LMO7: variants seen among roughly 807,000 people sequenced by gnomAD.
The protein encoded by LMO7 is LIM domain 7.
Under a neutral mutation model 206.5 loss-of-function variants are expected in LMO7, and 120 were observed. That is an observed-to-expected ratio of 0.58 (90% CI 0.50 to 0.68). LMO7 has a LOEUF of 0.68. Among genes scored for constraint, LMO7 ranks in the 30% least tolerant of loss-of-function variants. The pLI is 0.00. For synonymous variants in LMO7, 706 were observed against 681.5 expected (o/e 1.04, Z -0.56); for missense variants, 1,959 against 1,957.9 (o/e 1.00, Z -0.01).
At chr13:75,848,431 T>TTATCTATCTATC (rs139984746) in intron 26 of LMO7, among the ~76,000 whole-genome samples, 22,016 of 150,372 alleles carry the variant, frequency 0.15, 1,715 homozygotes, top group East Asian at 0.2. Context: ...TTCCATGCGA[T>TTATCTATCTATC]TATCTATCTA....
At chr13:75,704,396 C>G (rs1435581878) in intron 1 of LMO7, among the ~76,000 whole-genome samples, 1 of 152,126 alleles carries the variant, frequency 6.6e-6, no homozygotes, top group East Asian at 1.9e-4. Flanking sequence ...TCTTAAGTAT[C>G]ATGACCTAGT....
chr13:75,633,421 T>C (rs1460660007), upstream of LMO7, among the ~76,000 whole-genome samples: 1 of 152,106 alleles, frequency 6.6e-6, no homozygotes, highest in East Asian at 1.9e-4. Context: ...ACAAAAACCA[T>C]CACCCCAGTA....
At position 75,811,211 on chromosome 13, in the gene LMO7, T is replaced by C. The variant is rs1286563177; in HGVS notation, c.1946+2028T>C. On this transcript the variant is annotated intron_variant, in intron 11 of 30. Coordinates refer to ENST00000377534, the MANE Select transcript of LMO7 (RefSeq NM_001306080.2). ...TTTTCTTTCTTTTTTTCTTTCTCTT[T>C]TTTTTTTTTTTTTTTAAGAGATGGA... is the stretch of plus-strand genomic sequence containing the variant. Among the ~76,000 whole-genome samples, 303 of 147,666 alleles carry C rather than the reference T, an allele frequency of 2.1e-3. 1 individual carries two copies. Among genetic ancestry groups the C allele is most frequent in the African/African-American group, 4.6e-3 (188 of 40,636 alleles).
intron 3 of LMO7, among the ~76,000 whole-genome samples, chr13:75,756,571 G>T (rs531421436): frequency 6.6e-6 from 1 of 152,284 alleles, no homozygotes; most frequent in African/African-American, 2.4e-5. Context: ...GCCAACCTGT[G>T]TCTTGAAGGA....
In LMO7 at chr13:75,636,412, C is replaced by T. The variant is rs1300834301; in HGVS notation, c.-246C>T. 3 of 1,339,604 alleles carry T rather than the reference C, an allele frequency of 2.2e-6. No homozygotes were observed. The highest frequency in any genetic ancestry group is 1.5e-5 in the African/African-American group (1 of 64,892). The allele number at this position is 1,339,604 out of a possible 1,614,324, so 83.0% of individuals were successfully genotyped here. On this transcript the variant is annotated 5_prime_UTR_variant, in exon 1 of 31. Transcript: ENST00000377534. The stretch of plus-strand genomic sequence containing the variant: ...CGTCCTGCCTGACTGCCCGGGTCCC[C>T]GCGGGCCTTGGGTCGCTTTCAGGAG...
intron 2 of LMO7, among the ~76,000 whole-genome samples, chr13:75,724,334 C>A (rs2044277001): frequency 6.6e-6 from 1 of 151,994 alleles, no homozygotes; most frequent in Non-Finnish European, 1.5e-5. Flanking sequence ...TAGGGAAAGT[C>A]TTGGGGGAAG....
rs144366293 is a variant in LMO7, at chr13:75,727,408, A to T, written c.210+310A>T. On this transcript the variant is annotated intron_variant, in intron 3 of 30. Coordinates refer to ENST00000377534, the MANE Select transcript of LMO7 (RefSeq NM_001306080.2). Reference sequence around the variant, plus strand: ...TACTAATTTCTAAACTAAATTGCTAATTTTAAAAATGAAAAATGCATGTAT... The same window carrying T: ...TACTAATTTCTAAACTAAATTGCTATTTTTAAAAATGAAAAATGCATGTAT... 2.7e-3 allele frequency among the ~76,000 whole-genome samples: 412 copies of T among 152,098 alleles called. 3 individuals are homozygous for T. Among genetic ancestry groups the T allele is most frequent in the African/African-American group, 9.7e-3 (404 of 41,542 alleles).
chr13:75,621,006 G>T (rs187531652), exon 1 of LMO7: 1 of 152,174 alleles, frequency 6.6e-6, no homozygotes, highest in East Asian at 1.9e-4. Context: ...TGTGAGACCT[G>T]GTTTTATTCT....
chr13:75,742,522 G>T (rs1182831361), intron 3 of LMO7, among the ~76,000 whole-genome samples: 2 of 152,152 alleles, frequency 1.3e-5, no homozygotes, highest in Non-Finnish European at 2.9e-5. Flanking sequence ...TACAAAAACA[G>T]ACACATAGAC....
Position 75,838,471 on chromosome 13 carries a change from AAAAG to A in LMO7, c.3451+276_3451+279del, listed in dbSNP as rs1487958331. 3.1e-4 allele frequency: 226 copies of A among 723,658 alleles called. 1 individual carries two copies. The highest frequency in any genetic ancestry group is 3.1e-3 in the African/African-American group (168 of 54,358). 44.8% of individuals were successfully genotyped at this position (723,658 alleles called of 1,614,324 possible). On this transcript the variant is annotated intron_variant, in intron 20 of 30. Transcript: ENST00000377534. ...AACTTTGTAAAAAAAAAAAAAAAAA[AAAAG>A]GGAGATGCTCTTAAACACACACTTG... is the stretch of plus-strand genomic sequence containing the variant.
intron 28 of LMO7, among the ~76,000 whole-genome samples, 170 bp downstream of exon 28, chr13:75,853,558 C>T (rs2060664370): frequency 6.6e-6 from 1 of 152,186 alleles, no homozygotes; most frequent in Admixed American, 6.5e-5. Context: ...TAATACCATT[C>T]CATGCAACTC....
intron 1 of LMO7, among the ~76,000 whole-genome samples, chr13:75,642,623 A>G (rs2036649526): frequency 6.6e-6 from 1 of 151,976 alleles, no homozygotes; most frequent in African/African-American, 2.4e-5. Context: ...ATAAATAAAT[A>G]AATAAATAGA....
At chr13:75,760,856 G>A (rs1482828694) in intron 3 of LMO7, 76 bp from the exon 4 acceptor site, 5 of 1,586,918 alleles carry the variant, frequency 3.2e-6, no homozygotes, top group Non-Finnish European at 4.3e-6. Context: ...AAGCTTCGAA[G>A]TTATATCATA....
At chr13:75,712,483 T>G (rs2043199423) in intron 1 of LMO7, among the ~76,000 whole-genome samples, 1 of 152,168 alleles carries the variant, frequency 6.6e-6, no homozygotes, top group Admixed American at 6.5e-5. Flanking sequence ...AGAGAGAATC[T>G]AGAGATTTTT....
intron 26 of LMO7, among the ~76,000 whole-genome samples, chr13:75,846,820 G>A (rs149134143): frequency 2.0e-5 from 3 of 152,102 alleles, no homozygotes; most frequent in African/African-American, 4.8e-5. Context: ...GGTGGCTCAC[G>A]CCTGTAATCC....
At chr13:75,726,492 C>T (rs938484572) in intron 2 of LMO7, among the ~76,000 whole-genome samples, 15 of 151,962 alleles carry the variant, frequency 9.9e-5, no homozygotes, top group African/African-American at 2.4e-4. Flanking sequence ...CGTTCTGCTG[C>T]GGTAATAAAG....
At chr13:75,639,735 G>C (rs1047065364) in intron 1 of LMO7, among the ~76,000 whole-genome samples, 2 of 152,184 alleles carry the variant, frequency 1.3e-5, no homozygotes, top group African/African-American at 4.8e-5. Context: ...ACTTTGCATT[G>C]GTTGGTCAGT....
chr13:75,747,304 A>G (rs73225998), intron 3 of LMO7, among the ~76,000 whole-genome samples: 69 of 152,250 alleles, frequency 4.5e-4, no homozygotes, highest in Non-Finnish European at 6.9e-4. Context: ...CTTTTCTTCT[A>G]AATTTGACTA....
At chr13:75,785,836 T>G (rs1019181650) in intron 4 of LMO7, among the ~76,000 whole-genome samples, 3 of 152,170 alleles carry the variant, frequency 2.0e-5, no homozygotes, top group African/African-American at 7.2e-5. Flanking sequence ...GACTAAAAGA[T>G]TTATATTATC....
Sources: allele counts gnomAD v4.1 joint callset (sites outside exome capture counted in the v4.1 genomes callset), GRCh38; gene constraint gnomAD v4.1.1; transcripts MANE v1.5; gene names NCBI Gene and HGNC (gene_info 2026-07-23, HGNC 2026-07-21).